DTNBP1: variants seen among roughly 807,000 people sequenced by gnomAD.
DTNBP1 encodes the protein dystrobrevin binding protein 1.
A neutral mutation model predicts 42.8 loss-of-function variants in DTNBP1; 35 were observed. The observed-to-expected ratio is 0.82, with a 90% CI of 0.63 to 1.09. DTNBP1 has a LOEUF of 1.09. Among genes scored for constraint, DTNBP1 ranks in the 50% least tolerant of loss-of-function variants. DTNBP1 has a pLI of 0.00. For missense variants in DTNBP1, 457 were observed against 424.2 expected, an observed-to-expected ratio of 1.08 and a Z score of -0.68; for synonymous variants, 171 against 162.2, an observed-to-expected ratio of 1.05 and a Z score of -0.41.
At chr6:15,644,762 C>T (rs961843248) in intron 3 of DTNBP1, among the ~76,000 whole-genome samples, 1 of 151,918 alleles carries the variant, frequency 6.6e-6, no homozygotes, top group Non-Finnish European at 1.5e-5. Flanking sequence ...CATACCAAAA[C>T]CTCTGAGATA....
intron 1 of DTNBP1, among the ~76,000 whole-genome samples, chr6:15,657,651 C>G (rs577200830): frequency 6.6e-6 from 1 of 152,322 alleles, no homozygotes; most frequent in South Asian, 2.1e-4. Flanking sequence ...TTATGGCCGT[C>G]TAGATATTCT....
chr6:15,644,181 A>G (rs1398004652), intron 3 of DTNBP1, among the ~76,000 whole-genome samples: 2 of 151,954 alleles, frequency 1.3e-5, no homozygotes, highest in Non-Finnish European at 2.9e-5. Context: ...CAGTTAAAAA[A>G]AAAAAAAAAG....
intron 8 of DTNBP1, among the ~76,000 whole-genome samples, chr6:15,530,607 G>A (rs1466844872): frequency 6.6e-6 from 1 of 151,988 alleles, no homozygotes; most frequent in Admixed American, 6.6e-5. Flanking sequence ...ACCAGGGGCT[G>A]GCCATCAACA....
At chr6:15,623,916 A>G (rs1294007343) in intron 5 of DTNBP1, among the ~76,000 whole-genome samples, 3 of 152,226 alleles carry the variant, frequency 2.0e-5, no homozygotes, top group Non-Finnish European at 4.4e-5. Flanking sequence ...TGCATTCTAA[A>G]CTGTTTTGCA....
At position 15,662,680 on chromosome 6, in the gene DTNBP1, C is replaced by CGGCGG. The variant is rs577520812; in HGVS notation, c.56+129_56+133dup. ...ACGCCGGGAAGTTCGTTACTTTCCT[C>CGGCGG]GGCGGGGCGGGGCGGGGAGGTGCGG... On this transcript the variant is annotated intron_variant, in intron 1 of 9. Coordinates refer to ENST00000344537, the MANE Select transcript of DTNBP1 (RefSeq NM_032122.5). The CGGCGG allele has an allele frequency of 1.7e-3, 2,195 of 1,292,458 alleles. 9 individuals are homozygous for CGGCGG. The highest frequency in any genetic ancestry group is 2.0e-3 in the Non-Finnish European group (1,835 of 923,916). The allele number at this position is 1,292,458 out of a possible 1,614,324, so 80.1% of individuals were successfully genotyped here. A position where few individuals can be genotyped will look rare whatever the true frequency, so the allele number is the denominator to read the frequency against.
At chr6:15,530,102 A>T (rs1188219142) in intron 8 of DTNBP1, among the ~76,000 whole-genome samples, 2 of 152,280 alleles carry the variant, frequency 1.3e-5, no homozygotes, top group East Asian at 3.8e-4. Context: ...GTGAAATTCC[A>T]ACTGCTATTT....
intron 3 of DTNBP1, among the ~76,000 whole-genome samples, chr6:15,649,625 T>C (rs890801758): frequency 1.3e-5 from 2 of 152,188 alleles, no homozygotes; most frequent in African/African-American, 4.8e-5. Context: ...AGCTTAAGAA[T>C]GGTTAAGATA....
chr6:15,544,344 G>A (rs1049177564), intron 7 of DTNBP1, among the ~76,000 whole-genome samples: 12 of 152,096 alleles, frequency 7.9e-5, no homozygotes, highest in Non-Finnish European at 1.2e-4. Context: ...CCAACTTTTG[G>A]CTATTATGAA....
intron 6 of DTNBP1, among the ~76,000 whole-genome samples, chr6:15,614,616 A>C (rs193197720): frequency 6.6e-6 from 1 of 152,304 alleles, no homozygotes; most frequent in African/African-American, 2.4e-5. Context: ...GAGCTAGTCT[A>C]GCAGGCTGTT....
chr6:15,615,459 C>T lies in DTNBP1; in HGVS notation c.356-60G>A, dbSNP rs1037225691. On this transcript the variant is annotated intron_variant, in intron 5 of 9. Transcript: ENST00000344537. ...TCAGAATCCTCAATCATGATGAATA[C>T]AAAAAGTATCAAAAAGGTAAAAGTT... 3 of 1,583,150 alleles carry T rather than the reference C, an allele frequency of 1.9e-6. No homozygotes were observed. The South Asian group carries it at 3.3e-5, about 18-fold the overall frequency.
chr6:15,540,738 T>A (rs2113346505), intron 7 of DTNBP1, among the ~76,000 whole-genome samples: 1 of 152,200 alleles, frequency 6.6e-6, no homozygotes, highest in East Asian at 1.9e-4. Context: ...GCCTCCCAGG[T>A]TCACGCCATT....
intron 6 of DTNBP1, among the ~76,000 whole-genome samples, chr6:15,613,357 ATTTTTT>A (rs1184227291): frequency 8.2e-5 from 2 of 24,318 alleles, no homozygotes; most frequent in African/African-American, 1.3e-4. Flanking sequence ...CACGGACCCC[ATTTTTT>A]TTTTTTTTTT....
chr6:15,524,146 G>A (rs557564143), intron 9 of DTNBP1: 61 of 1,394,746 alleles, frequency 4.4e-5, no homozygotes, highest in African/African-American at 8.6e-5. Context: ...AATGCCTGTC[G>A]CACGAAGAGG....
chr6:15,524,371 G>C (rs751191378), intron 9 of DTNBP1, 155 bp downstream of exon 9: 2 of 1,613,782 alleles, frequency 1.2e-6, no homozygotes, highest in Admixed American at 3.3e-5. Flanking sequence ...CTGCCACACA[G>C]CCGTGTGGAA....
intron 4 of DTNBP1, among the ~76,000 whole-genome samples, chr6:15,634,328 T>C (rs950022269): frequency 6.6e-6 from 1 of 152,204 alleles, no homozygotes; most frequent in African/African-American, 2.4e-5. Flanking sequence ...TCTACTAGTT[T>C]AGAAGATAAA....
In DTNBP1 at chr6:15,522,894, A is replaced by C; in HGVS notation, c.*81T>G. 1 of 1,612,640 alleles carries C rather than the reference A, an allele frequency of 6.2e-7. No individual in the cohort carries two copies. Among genetic ancestry groups the C allele is most frequent in the Non-Finnish European group, 8.5e-7 (1 of 1,179,326 alleles). On this transcript the variant is annotated 3_prime_UTR_variant, in exon 10 of 10. Transcript: ENST00000344537. ...ATGTAAAAATCAAGAACCTCTATAAAACAACCTGGCTTTCCAGGTGGAATT... is the reference window on the plus strand; with the variant it reads ...ATGTAAAAATCAAGAACCTCTATAACACAACCTGGCTTTCCAGGTGGAATT...
intron 7 of DTNBP1, among the ~76,000 whole-genome samples, chr6:15,556,822 A>T (rs1774552398): frequency 6.6e-6 from 1 of 151,800 alleles, no homozygotes; most frequent in African/African-American, 2.4e-5. Context: ...TCTGTCACTC[A>T]GGGCAACTGT....
At chr6:15,543,198 C>T (rs895372216) in intron 7 of DTNBP1, among the ~76,000 whole-genome samples, 1 of 152,070 alleles carries the variant, frequency 6.6e-6, no homozygotes, top group Non-Finnish European at 1.5e-5. Context: ...ATTAGGATGA[C>T]TATATGAAAT....
Position 15,615,332 on chromosome 6 carries a change from C to T in DTNBP1, c.423G>A (p.Gln141=). ...NLLHLEDLCG[Q]CELERCKHMQ... ...TATGTTTGCATCTTTCTAATTCACA[C>T]TGCCCACATAAGTCTTCCAGATGCA... The change falls in exon 6 of 10, where the codon CAG becomes CAA. Residue 141 remains glutamine, a synonymous_variant. Coordinates refer to ENST00000344537, the MANE Select transcript of DTNBP1 (RefSeq NM_032122.5). 1 of 1,614,146 alleles carries T rather than the reference C, an allele frequency of 6.2e-7. No individual in the cohort carries two copies. Among genetic ancestry groups the T allele is most frequent in the Non-Finnish European group, 8.5e-7 (1 of 1,180,024 alleles).
Sources: gnomAD v4.1 joint callset for allele counts (sites outside exome capture counted in the v4.1 genomes callset) on GRCh38, gnomAD v4.1.1 for gene constraint, MANE v1.5 for transcripts, NCBI Gene and HGNC (gene_info 2026-07-23, HGNC 2026-07-21) for gene names.